Variants in SPATA13 observed in about 807,000 individuals in gnomAD.
The protein encoded by SPATA13 is spermatogenesis associated 13.
SPATA13 carries 50 observed loss-of-function variants against 104.0 expected under a neutral mutation model. That is an observed-to-expected ratio of 0.48 (90% CI 0.38 to 0.61). The LOEUF is 0.61. Ranked by LOEUF, SPATA13 falls within the 20% of genes least tolerant of loss-of-function variation. SPATA13 has a pLI of 0.00. For missense variants in SPATA13, 1,524 were observed against 1,690.6 expected, an observed-to-expected ratio of 0.90 and a Z score of 1.73; for synonymous variants, 606 against 667.5, an observed-to-expected ratio of 0.91 and a Z score of 1.42.
rs772262158 is a variant in SPATA13, at chr13:24,286,811, C to T, written c.2528C>T (p.Pro843Leu). ...CTGTCGGAAAACTCCAGCAGCACCCCCAGTGAGGAGCAGGACGAGGAGGCC... is the reference window on the plus strand; with the variant it reads ...CTGTCGGAAAACTCCAGCAGCACCCTCAGTGAGGAGCAGGACGAGGAGGCC... ...EELSENSSST[P>L]SEEQDEEASQ... Residue 843 changes from proline to leucine, a missense_variant, in exon 7 of 13, where the codon CCC becomes CTC. Physicochemically the swap from Pro to Leu is moderately conservative, Grantham distance 98. Coordinates refer to ENST00000382108, the MANE Select transcript of SPATA13 (RefSeq NM_001166271.3). This position sits in a 1 kb window ranked among gnomAD's most constrained non-coding sequence, Gnocchi z 4.9. The T allele has an allele frequency of 6.2e-7, 1 of 1,613,666 alleles. No homozygotes were observed. The highest frequency in any genetic ancestry group is 1.3e-5 in the African/African-American group (1 of 74,984).
upstream of SPATA13, among the ~76,000 whole-genome samples, chr13:24,159,203 A>G (rs1882362408): frequency 6.6e-6 from 1 of 152,140 alleles, no homozygotes; most frequent in Admixed American, 6.5e-5. Context: ...TTTTTTATAG[A>G]GTAGAAATAA....
intron 4 of SPATA13, among the ~76,000 whole-genome samples, chr13:24,256,294 A>G (rs1289611569): frequency 1.3e-5 from 2 of 152,214 alleles, no homozygotes; most frequent in Non-Finnish European, 2.9e-5. Flanking sequence ...ACAGTTAATG[A>G]CAATGTATTG....
intron 3 of SPATA13, among the ~76,000 whole-genome samples, chr13:24,113,793 C>G (rs960788447): frequency 2.8e-5 from 4 of 143,490 alleles, no homozygotes; most frequent in Non-Finnish European, 4.5e-5. Flanking sequence ...TCGCTTGAAC[C>G]AGGGAGTTGG....
chr13:24,171,622 A>C (rs138211474), intron 1 of SPATA13, among the ~76,000 whole-genome samples: 3 of 152,340 alleles, frequency 2.0e-5, no homozygotes, highest in African/African-American at 7.2e-5. Context: ...GCTGACTTCC[A>C]CATGTTCAGA....
intron 3 of SPATA13, among the ~76,000 whole-genome samples, chr13:24,024,542 A>G (rs1472699780): frequency 6.6e-6 from 1 of 152,044 alleles, no homozygotes. Context: ...GTCCCATGCC[A>G]CCAGGGCCCT....
chr13:24,137,176 G>T (rs553827949), intron 3 of SPATA13, among the ~76,000 whole-genome samples: 1 of 152,196 alleles, frequency 6.6e-6, no homozygotes, highest in Non-Finnish European at 1.5e-5. Context: ...TTAGAGACAG[G>T]TGTTGACATC....
At chr13:24,267,005 A>T (rs144846419) in intron 4 of SPATA13, among the ~76,000 whole-genome samples, 2 of 152,172 alleles carry the variant, frequency 1.3e-5, no homozygotes, top group African/African-American at 4.8e-5. Flanking sequence ...TCGTTGTAGG[A>T]TTCTTACTGA....
chr13:24,278,790 A>G (rs1169566429), intron 4 of SPATA13: 1 of 1,603,046 alleles, frequency 6.2e-7, no homozygotes, highest in Admixed American at 1.7e-5. Flanking sequence ...AATATAGAAA[A>G]GAAAAAAAAT....
At chr13:24,094,978 C>T (rs896835234) in intron 3 of SPATA13, among the ~76,000 whole-genome samples, 2 of 152,108 alleles carry the variant, frequency 1.3e-5, no homozygotes, top group African/African-American at 2.4e-5. Flanking sequence ...AATGATGTAG[C>T]CACTATGTAA....
chr13:24,246,029 G>A (rs1488519031), intron 2 of SPATA13, among the ~76,000 whole-genome samples: 2 of 152,180 alleles, frequency 1.3e-5, no homozygotes, highest in African/African-American at 2.4e-5. Flanking sequence ...ACTGCCTGGA[G>A]TAGTTCCTTA....
At chr13:24,036,465 A>G (rs191673747) in intron 3 of SPATA13, among the ~76,000 whole-genome samples, 112 of 152,312 alleles carry the variant, frequency 7.4e-4, no homozygotes, top group Non-Finnish European at 1.4e-3. Context: ...GTTTCTTGAC[A>G]AGTGTGGTTT....
chr13:24,099,389 T>G (rs1325462728), intron 3 of SPATA13, among the ~76,000 whole-genome samples: 2 of 152,348 alleles, frequency 1.3e-5, no homozygotes, highest in African/African-American at 2.4e-5. Context: ...ACCTAAAGTT[T>G]AAGTAAAATC....
At chr13:24,294,128 G>C (rs1162478355) in intron 9 of SPATA13, among the ~76,000 whole-genome samples, 1 of 152,150 alleles carries the variant, frequency 6.6e-6, no homozygotes, top group East Asian at 1.9e-4. Context: ...CAGTTTTAGC[G>C]GGCTTGGGAG....
chr13:24,276,769 C>T (rs551856697), intron 4 of SPATA13, among the ~76,000 whole-genome samples: 7 of 152,276 alleles, frequency 4.6e-5, no homozygotes, highest in African/African-American at 1.7e-4. Flanking sequence ...GATAAGAAGT[C>T]ATCATTATTA....
At chr13:24,047,749 C>T (rs779098001) in intron 3 of SPATA13, among the ~76,000 whole-genome samples, 12 of 152,292 alleles carry the variant, frequency 7.9e-5, no homozygotes, top group Admixed American at 3.9e-4. Context: ...TCCAGAGAAA[C>T]GGAACCAATA....
At chr13:24,242,288 G>T (rs576263262) in intron 2 of SPATA13, among the ~76,000 whole-genome samples, 12 of 152,280 alleles carry the variant, frequency 7.9e-5, no homozygotes, top group Admixed American at 7.2e-4. Flanking sequence ...GGATGCATGC[G>T]CATGACTATG....
intron 3 of SPATA13, among the ~76,000 whole-genome samples, chr13:24,153,599 G>A (rs1307992239): frequency 6.6e-6 from 1 of 152,172 alleles, no homozygotes; most frequent in Non-Finnish European, 1.5e-5. Flanking sequence ...TCCACGGTAC[G>A]CTGCAAGGAA....
chr13:24,181,028 C>A (rs1469636710), intron 1 of SPATA13, among the ~76,000 whole-genome samples: 2 of 152,078 alleles, frequency 1.3e-5, no homozygotes, highest in African/African-American at 4.8e-5. Flanking sequence ...GCAGCTGTAA[C>A]ACAATGGTAA....
chr13:24,229,500 A>G (rs758775249), intron 2 of SPATA13, among the ~76,000 whole-genome samples: 6 of 152,162 alleles, frequency 3.9e-5, no homozygotes, highest in Non-Finnish European at 5.9e-5. Context: ...TGGATGTCAA[A>G]CACTTAGCCC....
Sources: allele counts gnomAD v4.1 joint callset (sites outside exome capture counted in the v4.1 genomes callset), GRCh38; gene constraint gnomAD v4.1.1; non-coding constraint Gnocchi (gnomAD v3.1); transcripts MANE v1.5; gene names NCBI Gene and HGNC (gene_info 2026-07-23, HGNC 2026-07-21).